The following AKAP7 variants were observed in gnomAD, a reference collection of about 807,000 sequenced individuals.
AKAP7 encodes the protein A kinase (PRKA) anchor protein 7.
AKAP7 carries 39 observed loss-of-function variants against 39.5 expected under a neutral mutation model. The observed-to-expected ratio is 0.99, with a 90% CI of 0.76 to 1.29. The LOEUF (loss-of-function observed/expected upper bound fraction) is 1.29, where lower values mean the gene tolerates loss of function less well. Ranked by LOEUF, AKAP7 falls within the 50% of genes most tolerant of loss-of-function variation. AKAP7 has a pLI of 0.00. For missense variants in AKAP7, 414 were observed against 407.7 expected (o/e 1.02, Z -0.13); for synonymous variants, 140 against 139.1 (o/e 1.01, Z -0.05).
In AKAP7 at chr6:131,220,711, A is replaced by AT. The variant is rs1809620950; in HGVS notation, c.850+909dup. On this transcript the variant is annotated intron_variant, in intron 7 of 7. Coordinates refer to ENST00000431975, the MANE Select transcript of AKAP7 (RefSeq NM_016377.4). ...CCTGTATCAATTGTCTTTCTGGGCC[A>AT]TTTTTTCTAACAGCATGTGCTCTTT... Among the ~76,000 whole-genome samples, 4 of 152,202 alleles carry AT rather than the reference A, an allele frequency of 2.6e-5. No homozygotes were observed. In the South Asian group the frequency reaches 6.2e-4, roughly 24 times the overall value.
At chr6:131,184,110 G>A (rs1406877061) in intron 5 of AKAP7, among the ~76,000 whole-genome samples, 3 of 152,210 alleles carry the variant, frequency 2.0e-5, no homozygotes, top group Non-Finnish European at 2.9e-5. Context: ...TATGCCTTGG[G>A]GCAGTGTGTT....
At chr6:131,242,020 T>C (rs2128313776) in intron 7 of AKAP7, 1 of 962,888 alleles carries the variant, frequency 1.0e-6, no homozygotes, top group Non-Finnish European at 1.2e-6. Flanking sequence ...TTAAATTCTG[T>C]CTTTTTTAAT....
chr6:131,196,778 G>C (rs1256514176), intron 5 of AKAP7, among the ~76,000 whole-genome samples: 1 of 152,060 alleles, frequency 6.6e-6, no homozygotes, highest in Non-Finnish European at 1.5e-5. Context: ...TTTTTCACAT[G>C]TATGCCAAAT....
chr6:131,257,788 CT>C (rs1235414218), intron 7 of AKAP7, among the ~76,000 whole-genome samples: 1 of 152,088 alleles, frequency 6.6e-6, no homozygotes, highest in Non-Finnish European at 1.5e-5. Context: ...GGAGAGAGTC[CT>C]GATGAGTGTC....
At chr6:131,133,777 T>C (rs1800379554), upstream of AKAP7, among the ~76,000 whole-genome samples, 1 of 152,200 alleles carries the variant, frequency 6.6e-6, no homozygotes, top group Non-Finnish European at 1.5e-5. Context: ...AGGAAAGAAC[T>C]AAAAGCCCGA....
At chr6:131,237,014 T>C (rs1376940065) in intron 7 of AKAP7, among the ~76,000 whole-genome samples, 1 of 152,158 alleles carries the variant, frequency 6.6e-6, no homozygotes, top group African/African-American at 2.4e-5. Flanking sequence ...CCAGTTTTTG[T>C]CCATTCAGTA....
chr6:131,259,391 G>A (rs1430890705), intron 7 of AKAP7, among the ~76,000 whole-genome samples: 2 of 152,170 alleles, frequency 1.3e-5, no homozygotes, highest in Non-Finnish European at 2.9e-5. Flanking sequence ...ATCACAAGAG[G>A]AAAGCTGAAG....
chr6:131,127,006 G>T, the AKAP7 span, among the ~76,000 whole-genome samples: 1 of 151,800 alleles, frequency 6.6e-6, no homozygotes, highest in Non-Finnish European at 1.5e-5. Context: ...GATTTGTGGG[G>T]AAAATAGACC....
At chr6:131,263,983 GT>G (rs1198500461) in intron 7 of AKAP7, among the ~76,000 whole-genome samples, 1 of 152,248 alleles carries the variant, frequency 6.6e-6, no homozygotes, top group African/African-American at 2.4e-5. Flanking sequence ...TCCATAATCT[GT>G]TTTTCCCCCC....
chr6:131,129,313 G>T, the AKAP7 span, among the ~76,000 whole-genome samples: 1 of 148,228 alleles, frequency 6.7e-6, no homozygotes, highest in African/African-American at 2.5e-5. Context: ...ATGATTGAAA[G>T]AATAATATAA....
intron 7 of AKAP7, among the ~76,000 whole-genome samples, chr6:131,239,958 G>C (rs561836825): frequency 6.6e-6 from 1 of 152,156 alleles, no homozygotes; most frequent in African/African-American, 2.4e-5. Context: ...GAGGAGCTGC[G>C]TTCCTTTGGA....
At chr6:131,223,438 A>T (rs1809877560) in intron 7 of AKAP7, among the ~76,000 whole-genome samples, 1 of 152,218 alleles carries the variant, frequency 6.6e-6, no homozygotes, top group South Asian at 2.1e-4. Flanking sequence ...TCCTCATTTT[A>T]CCTTTCAAAG....
intron 7 of AKAP7, among the ~76,000 whole-genome samples, chr6:131,224,675 A>T (rs1460054050): frequency 2.7e-5 from 4 of 147,840 alleles, no homozygotes; most frequent in Non-Finnish European, 3.0e-5. Context: ...AAGACATCTT[A>T]AAAAAAAAAT....
chr6:131,221,782 A>C (rs995121124), intron 7 of AKAP7, among the ~76,000 whole-genome samples: 2 of 152,208 alleles, frequency 1.3e-5, no homozygotes, highest in African/African-American at 4.8e-5. Context: ...AGCATGGTTT[A>C]CTGAGTATTT....
intron 5 of AKAP7, chr6:131,185,100 C>T (rs1009878396): frequency 5.9e-5 from 39 of 661,910 alleles, no homozygotes; most frequent in Admixed American, 3.3e-4. Context: ...TGGGGTACCT[C>T]GCTTCCCCAG....
rs1804778411 is a variant in AKAP7 at position 131,178,398 on chromosome 6, T to C, written c.589+9125T>C. Among the ~76,000 whole-genome samples, 3 of 152,198 alleles carry C rather than the reference T, an allele frequency of 2.0e-5. No homozygotes were observed. In the South Asian group the frequency reaches 6.2e-4, roughly 32 times the overall value. ...GGGCACGCAGACAATGTTAAATAGA[T>C]GGTAACTATTATTATTAATGATAAA... On this transcript the variant is annotated intron_variant, in intron 5 of 7. Coordinates refer to ENST00000431975, the MANE Select transcript of AKAP7 (RefSeq NM_016377.4).
At chr6:131,161,068 C>G (rs1255879742) in intron 3 of AKAP7, among the ~76,000 whole-genome samples, 1 of 152,116 alleles carries the variant, frequency 6.6e-6, no homozygotes, top group South Asian at 2.1e-4. Flanking sequence ...TTCCACATTG[C>G]CTTTCCCCTT....
chr6:131,219,230 C>T (rs1485851093), intron 6 of AKAP7, among the ~76,000 whole-genome samples: 3 of 148,184 alleles, frequency 2.0e-5, no homozygotes, highest in African/African-American at 7.5e-5. Flanking sequence ...GTGGAGGTTG[C>T]AGTGAGCCGA....
intron 7 of AKAP7, among the ~76,000 whole-genome samples, chr6:131,277,829 T>C (rs572112042): frequency 7.2e-5 from 11 of 152,334 alleles, no homozygotes; most frequent in East Asian, 3.9e-4. Context: ...ATCTAGAAGA[T>C]TGGCTTCTAA....
Sources: allele counts gnomAD v4.1 joint callset (sites outside exome capture counted in the v4.1 genomes callset), GRCh38; gene constraint gnomAD v4.1.1; transcripts MANE v1.5; gene names NCBI Gene and HGNC (gene_info 2026-07-23, HGNC 2026-07-21).